The following RALYL variants were observed in gnomAD, a reference collection of about 807,000 sequenced individuals.
RALYL encodes RALY RNA binding protein like.
Under a neutral mutation model 35.1 loss-of-function variants are expected in RALYL, and 29 were observed. The observed-to-expected ratio is 0.83, with a 90% CI of 0.61 to 1.13. The LOEUF (loss-of-function observed/expected upper bound fraction) is 1.13. Among genes scored for constraint, RALYL ranks in the 50% most tolerant of loss-of-function variants. The pLI is 0.00. For synonymous variants in RALYL, 120 were observed against 127.6 expected, an observed-to-expected ratio of 0.94 and a Z score of 0.40; for missense variants, 359 against 360.4, an observed-to-expected ratio of 1.00 and a Z score of 0.03.
chr8:84,745,405 G>GT (rs1401064196), intron 2 of RALYL, among the ~76,000 whole-genome samples: 2 of 151,956 alleles, frequency 1.3e-5, no homozygotes, highest in African/African-American at 2.4e-5. Context: ...ACCAACCCCA[G>GT]TTTTTTCATA....
At position 84,478,978 on chromosome 8, in the gene RALYL, C is replaced by T. The variant is rs1264320934; in HGVS notation, c.-23-50321C>T. Among the ~76,000 whole-genome samples the T allele has an allele frequency of 4.9e-5, 7 of 141,458 alleles. No individual in the cohort carries two copies. In the South Asian group the frequency reaches 1.4e-3, roughly 28 times the overall value. 92.8% of individuals were successfully genotyped at this position (141,458 alleles called of 152,430 possible). A position where few individuals can be genotyped will look rare whatever the true frequency, so the allele number is the denominator to read the frequency against. ...GCGGGCGCCTATAGTCCCAGCTACT[C>T]GGGAGGCTGAGGCAGGAGAATGGCG... On this transcript the variant is annotated intron_variant, in intron 1 of 8. Transcript: ENST00000521268.
intron 2 of RALYL, among the ~76,000 whole-genome samples, chr8:84,635,336 AG>A (rs1168567311): frequency 1.5e-5 from 2 of 134,380 alleles, no homozygotes; most frequent in Non-Finnish European, 3.5e-5. Context: ...ATATCTTTTA[AG>A]TACTGTCTTC....
chr8:84,285,302 A>C (rs916955478), intron 1 of RALYL, among the ~76,000 whole-genome samples: 1 of 152,230 alleles, frequency 6.6e-6, no homozygotes, highest in African/African-American at 2.4e-5. Context: ...AAGTCATTTA[A>C]GTATATATTC....
chr8:84,615,396 C>A (rs900601921), intron 2 of RALYL, among the ~76,000 whole-genome samples: 1 of 149,972 alleles, frequency 6.7e-6, no homozygotes, highest in Non-Finnish European at 1.5e-5. Context: ...ATACAATAGA[C>A]TATCAATGTC....
intron 2 of RALYL, among the ~76,000 whole-genome samples, chr8:84,632,470 A>G (rs1824124785): frequency 6.6e-6 from 1 of 151,908 alleles, no homozygotes; most frequent in African/African-American, 2.4e-5. Context: ...GTGTTGCACC[A>G]TGTCCCATTT....
chr8:84,401,690 T>TAACC (rs2042927839), intron 1 of RALYL, among the ~76,000 whole-genome samples: 1 of 145,910 alleles, frequency 6.9e-6, no homozygotes, highest in African/African-American at 2.6e-5. Flanking sequence ...TAGCATTTAG[T>TAACC]AACCAGTTAG....
chr8:84,718,701 G>A (rs1220913875), intron 2 of RALYL, among the ~76,000 whole-genome samples: 1 of 151,874 alleles, frequency 6.6e-6, no homozygotes, highest in Non-Finnish European at 1.5e-5. Context: ...AGAGGCAGAG[G>A]TTGCAGTGAG....
At chr8:84,286,767 T>A (rs1837705724) in intron 1 of RALYL, among the ~76,000 whole-genome samples, 1 of 152,186 alleles carries the variant, frequency 6.6e-6, no homozygotes, top group Non-Finnish European at 1.5e-5. Context: ...AAGCTTTTTC[T>A]AAAACGTTGA....
At chr8:84,428,106 T>TCTCACACACACACA (rs1182382963) in intron 1 of RALYL, among the ~76,000 whole-genome samples, 1 of 127,276 alleles carries the variant, frequency 7.9e-6, no homozygotes, top group Non-Finnish European at 1.7e-5. Context: ...TCTCTCTCTC[T>TCTCACACACACACA]CACACACACA....
At chr8:84,200,228 A>G (rs1391058480) in intron 1 of RALYL, among the ~76,000 whole-genome samples, 3 of 152,148 alleles carry the variant, frequency 2.0e-5, no homozygotes, top group African/African-American at 7.2e-5. Context: ...TATTGATAAG[A>G]ATTTTCGAAA....
intron 2 of RALYL, among the ~76,000 whole-genome samples, chr8:84,538,721 C>T (rs931167449): frequency 1.3e-5 from 2 of 151,930 alleles, no homozygotes; most frequent in African/African-American, 4.8e-5. Flanking sequence ...TGATGTAATA[C>T]AGATCAAATA....
At chr8:84,500,900 A>G (rs954211101) in intron 1 of RALYL, among the ~76,000 whole-genome samples, 1 of 152,188 alleles carries the variant, frequency 6.6e-6, no homozygotes, top group Non-Finnish European at 1.5e-5. Context: ...GATTAAGTAG[A>G]GAATATACAA....
chr8:84,343,242 T>C (rs1406367460), intron 1 of RALYL, among the ~76,000 whole-genome samples: 1 of 152,126 alleles, frequency 6.6e-6, no homozygotes, highest in East Asian at 1.9e-4. Context: ...GTATGAAATA[T>C]TAGTTATGTC....
At chr8:84,697,274 AGTATTG>A (rs1157273454) in intron 2 of RALYL, among the ~76,000 whole-genome samples, 1 of 152,098 alleles carries the variant, frequency 6.6e-6, no homozygotes, top group African/African-American at 2.4e-5. Flanking sequence ...TACTTATCAT[AGTATTG>A]GTCTTTGTCT....
intron 2 of RALYL, among the ~76,000 whole-genome samples, chr8:84,754,068 AT>A (rs1810752724): frequency 6.6e-6 from 1 of 151,084 alleles, no homozygotes; most frequent in South Asian, 2.1e-4. Context: ...GGTTGCGAAA[AT>A]TTTCTCCCAT....
intron 5 of RALYL, among the ~76,000 whole-genome samples, chr8:84,858,648 T>C (rs986241942): frequency 1.3e-5 from 2 of 152,234 alleles, no homozygotes; most frequent in Non-Finnish European, 2.9e-5. Context: ...GCCAATCTAA[T>C]ATTTGATAAA....
intron 8 of RALYL, among the ~76,000 whole-genome samples, chr8:84,893,669 T>C (rs908114053): frequency 2.0e-5 from 3 of 152,186 alleles, no homozygotes; most frequent in African/African-American, 7.2e-5. Flanking sequence ...GGTGCTAAAA[T>C]GCCAACATAG....
At chr8:84,331,054 G>A (rs1005052942) in intron 1 of RALYL, among the ~76,000 whole-genome samples, 15 of 152,012 alleles carry the variant, frequency 9.9e-5, no homozygotes, top group African/African-American at 3.1e-4. Flanking sequence ...AGAATGTAAT[G>A]TACTCAATCT....
intron 2 of RALYL, among the ~76,000 whole-genome samples, chr8:84,713,777 C>G (rs951823014): frequency 2.6e-5 from 4 of 151,614 alleles, no homozygotes; most frequent in Non-Finnish European, 4.4e-5. Flanking sequence ...AGAGATATCT[C>G]TACTTCCATT....
Sources: allele counts gnomAD v4.1 joint callset (sites outside exome capture counted in the v4.1 genomes callset), GRCh38; gene constraint gnomAD v4.1.1; transcripts MANE v1.5; gene names NCBI Gene and HGNC (gene_info 2026-07-23, HGNC 2026-07-21).